SLK: variants seen among roughly 807,000 people sequenced by gnomAD.
The protein encoded by SLK is STE20-like serine/threonine-protein kinase.
SLK carries 67 observed loss-of-function variants against 147.7 expected under a neutral mutation model. That is an observed-to-expected ratio of 0.45 (90% CI 0.37 to 0.56). The LOEUF is 0.56. Ranked by LOEUF, SLK falls within the 20% of genes least tolerant of loss-of-function variation. The pLI is 0.00. For synonymous variants in SLK, 441 were observed against 475.0 expected (o/e 0.93, Z 0.93); for missense variants, 1,136 against 1,438.8 (o/e 0.79, Z 3.41).
intron 13 of SLK, 93 bp downstream of exon 13, chr10:104,011,001 A>T: frequency 1.5e-6 from 1 of 660,110 alleles, no homozygotes; most frequent in Non-Finnish European, 2.3e-6. Context: ...TTTAAGTGTT[A>T]TTATTATATG....
chr10:104,014,309 T>G (rs1252227191), intron 13 of SLK, among the ~76,000 whole-genome samples: 1 of 152,238 alleles, frequency 6.6e-6, no homozygotes, highest in African/African-American at 2.4e-5. Context: ...ATAGTGAGTT[T>G]CTATTCTCCT....
chr10:104,018,706 T>C lies in SLK; in HGVS notation c.3008-78T>C, dbSNP rs1589546851. 14 of 1,428,086 alleles carry C rather than the reference T, an allele frequency of 9.8e-6. No homozygotes were observed. The East Asian group carries it at 3.2e-4, about 33-fold the overall frequency. The allele number at this position is 1,428,086 out of a possible 1,614,324, so 88.5% of individuals were successfully genotyped here. On this transcript the variant is annotated intron_variant, in intron 14 of 18. Transcript: ENST00000369755. ...AGTTAGTGTATTTAGAATACTTCTA[T>C]GTAAATATTAAAATGAAGAGCAAAG...
rs561242502 is a variant in SLK, at chr10:103,978,540, G to C, written c.150+10645G>C. On this transcript the variant is annotated intron_variant, in intron 1 of 18. Coordinates refer to ENST00000369755, the MANE Select transcript of SLK (RefSeq NM_014720.4). ...AAAAATTTTAACAAAAGAACTAATC[G>C]ATTCAGTGAATATATATTTTTTTTC... Among the ~76,000 whole-genome samples the C allele has an allele frequency of 6.4e-4, 97 of 152,062 alleles. 1 individual carries two copies. Among genetic ancestry groups the C allele is most frequent in the Admixed American group, 4.6e-4 (7 of 15,254 alleles).
chr10:103,977,469 G>C (rs763920409), intron 1 of SLK, among the ~76,000 whole-genome samples: 1 of 152,260 alleles, frequency 6.6e-6, no homozygotes, highest in East Asian at 1.9e-4. Context: ...AAAAAACTTA[G>C]CTGGGCATGA....
Position 104,025,707 on chromosome 10 carries a change from C to G in SLK, c.3695C>G (p.Ser1232Cys). Residue 1232 changes from serine to cysteine, a missense_variant, in exon 19 of 19, where the codon TCC (serine) becomes TGC (cysteine). Physicochemically the swap from Ser to Cys is moderately radical, Grantham distance 112. Coordinates refer to ENST00000369755, the MANE Select transcript of SLK (RefSeq NM_014720.4). ...TTTTATCCTATTCCCAGCTTGCATTCCACCGGATCATAACAAAGGGAAGCA... is the reference window on the plus strand; with the variant it reads ...TTTTATCCTATTCCCAGCTTGCATTGCACCGGATCATAACAAAGGGAAGCA... ...SKFYPIPSLH[S>C]TGS is the part of the protein sequence containing the mutation. The G allele has an allele frequency of 6.2e-7, 1 of 1,614,084 alleles. No individual in the cohort carries two copies. Among genetic ancestry groups the G allele is most frequent in the African/African-American group, 1.3e-5 (1 of 75,046 alleles).
At position 104,003,189 on chromosome 10, in the gene SLK, G is replaced by C. The variant is rs1336610647; in HGVS notation, c.2011G>C (p.Asp671His). ...AAAGGCTTTAGGAAGTGAAGTTCAG[G>C]ATGCTTCTAAAGTCACTACTCAGAT... ...DQKALGSEVQ[D>H]ASKVTTQIDK... Residue 671 changes from aspartate (D) to histidine (H), a missense_variant, in exon 9 of 19, where the codon GAT becomes CAT. Around this residue, in one of 6 missense-constraint regions of SLK, gnomAD observed 516 missense variants for 531.3 expected, o/e 0.97. Transcript: ENST00000369755. 3.1e-6 allele frequency: 5 copies of C among 1,614,030 alleles called. No homozygotes were observed. Among genetic ancestry groups the C allele is most frequent in the Non-Finnish European group, 4.2e-6 (5 of 1,179,976 alleles).
intron 8 of SLK, 140 bp from the exon 9 acceptor site, chr10:104,002,032 C>T (rs1211612263): frequency 8.5e-6 from 6 of 708,760 alleles, no homozygotes; most frequent in Middle Eastern, 3.4e-4. Flanking sequence ...TGTTATATTT[C>T]TTGTGAGAAG....
intron 4 of SLK, 48 bp from the exon 5 acceptor site, chr10:103,998,851 A>T (rs1564656839): frequency 7.4e-7 from 1 of 1,356,156 alleles, no homozygotes; most frequent in Non-Finnish European, 1.1e-6. Context: ...GAATACAATG[A>T]ACAATGCTTA....
intron 1 of SLK, among the ~76,000 whole-genome samples, chr10:103,983,492 T>G (rs887578212): frequency 7.2e-5 from 11 of 152,246 alleles, no homozygotes; most frequent in Non-Finnish European, 4.4e-5. Flanking sequence ...TTTGTGATGC[T>G]GGTTCAAAGA....
chr10:104,013,137 A>G (rs1267578525), intron 13 of SLK, among the ~76,000 whole-genome samples: 2 of 152,280 alleles, frequency 1.3e-5, no homozygotes, highest in Non-Finnish European at 2.9e-5. Context: ...GCGAAGGTAC[A>G]AAAGCTTTAT....
At chr10:104,006,761 A>C (rs1373238958) in intron 11 of SLK, among the ~76,000 whole-genome samples, 1 of 151,914 alleles carries the variant, frequency 6.6e-6, no homozygotes, top group East Asian at 1.9e-4. Context: ...GTTTTGTGTG[A>C]ACTGTGGATT....
intron 4 of SLK, among the ~76,000 whole-genome samples, chr10:103,995,891 T>G (rs1247510696): frequency 6.6e-6 from 1 of 152,236 alleles, no homozygotes; most frequent in Non-Finnish European, 1.5e-5. Context: ...ATATTTCCTA[T>G]TCAAATTCAG....
chr10:104,014,266 C>CT (rs1844434485), intron 13 of SLK, among the ~76,000 whole-genome samples: 1 of 152,122 alleles, frequency 6.6e-6, no homozygotes, highest in Non-Finnish European at 1.5e-5. Flanking sequence ...CCGTTTAACT[C>CT]TATTTTCCAT....
intron 18 of SLK, among the ~76,000 whole-genome samples, chr10:104,024,495 A>C (rs997873844): frequency 1.3e-5 from 2 of 152,174 alleles, no homozygotes; most frequent in African/African-American, 4.8e-5. Context: ...TCCAGGTTCC[A>C]GCCTTGGGTA....
At chr10:104,018,978 C>T (rs1304770727) in intron 15 of SLK, 70 bp downstream of exon 15, 2 of 1,390,910 alleles carry the variant, frequency 1.4e-6, no homozygotes, top group Non-Finnish European at 1.9e-6. Flanking sequence ...AGTTTTGAAA[C>T]TTAAGTTTCT....
chr10:104,001,893 T>TA (rs1390060623), intron 8 of SLK, among the ~76,000 whole-genome samples: 1 of 152,042 alleles, frequency 6.6e-6, no homozygotes, highest in Non-Finnish European at 1.5e-5. Flanking sequence ...TTTTTGTATT[T>TA]TTAGTAGAGA....
chr10:104,006,182 T>TA (rs1214111709), intron 11 of SLK, 147 bp downstream of exon 11: 1 of 866,052 alleles, frequency 1.2e-6, no homozygotes, highest in Non-Finnish European at 1.7e-6. Context: ...CTGGCATTTT[T>TA]ACCCTTTTGG....
chr10:104,012,159 A>C (rs1420359272), intron 13 of SLK, among the ~76,000 whole-genome samples: 1 of 152,226 alleles, frequency 6.6e-6, no homozygotes, highest in Admixed American at 6.5e-5. Flanking sequence ...AGAAACATAG[A>C]AACAATAAAA....
intron 13 of SLK, among the ~76,000 whole-genome samples, chr10:104,012,307 A>G (rs977806669): frequency 6.6e-6 from 1 of 152,212 alleles, no homozygotes; most frequent in African/African-American, 2.4e-5. Flanking sequence ...ATGAAAAATA[A>G]GGAAAATATA....
Sources: gnomAD v4.1 joint callset for allele counts (sites outside exome capture counted in the v4.1 genomes callset) on GRCh38, gnomAD v4.1.1 for gene constraint, gnomAD v4.1.1 regional missense constraint, MANE v1.5 for transcripts, NCBI Gene and HGNC (gene_info 2026-07-23, HGNC 2026-07-21) for gene names.